SV2B: variants seen among roughly 807,000 people sequenced by gnomAD.
SV2B encodes the protein solute carrier family 22 member B2.
Under a neutral mutation model 73.9 loss-of-function variants are expected in SV2B, and 41 were observed. The observed-to-expected ratio is 0.56, with a 90% CI of 0.43 to 0.72. The LOEUF is 0.72. Ranked by LOEUF, SV2B falls within the 30% of genes least tolerant of loss-of-function variation. The pLI is 0.00. For missense variants in SV2B, 764 were observed against 857.8 expected, an observed-to-expected ratio of 0.89 and a Z score of 1.37; for synonymous variants, 314 against 314.2, an observed-to-expected ratio of 1.00 and a Z score of 0.01.
rs1022086753 is a variant in SV2B, at chr15:91,260,262, T to C, written c.919-58T>C. 23 of 1,487,340 alleles carry C rather than the reference T, an allele frequency of 1.5e-5. No homozygotes were observed. In the African/African-American group the frequency reaches 3.1e-4, roughly 20 times the overall value. The allele number at this position is 1,487,340 out of a possible 1,614,324, so 92.1% of individuals were successfully genotyped here. On this transcript the variant is annotated intron_variant, in intron 5 of 12. Coordinates refer to ENST00000394232, the MANE Select transcript of SV2B (RefSeq NM_001323032.3). The stretch of plus-strand genomic sequence containing the variant: ...AGTTTGTAGGATTTTCCACCCCTAA[T>C]GAACAGAAGGCATAGTCAGCAATGA...
chr15:91,221,222 A>G (rs1025319011), intron 1 of SV2B, among the ~76,000 whole-genome samples: 1 of 152,170 alleles, frequency 6.6e-6, no homozygotes, highest in African/African-American at 2.4e-5. Flanking sequence ...AATTGATCAC[A>G]TCTGTACCAG....
At chr15:91,287,627 T>TC (rs1454120223) in intron 11 of SV2B, among the ~76,000 whole-genome samples, 1 of 152,152 alleles carries the variant, frequency 6.6e-6, no homozygotes, top group Non-Finnish European at 1.5e-5. Flanking sequence ...TTCACTCCCA[T>TC]CCCCACCCCA....
At position 91,215,253 on chromosome 15, in the gene SV2B, A is replaced by G. The variant is rs372295892; in HGVS notation, c.-391-10620A>G. ...TCTTTGGCCTTGCACTTGAATCACA[A>G]TGAAACTGTTTCCTGGGGTAAGAAC... On this transcript the variant is annotated intron_variant, in intron 1 of 12. Coordinates refer to ENST00000394232, the MANE Select transcript of SV2B (RefSeq NM_001323032.3). 4.5e-4 allele frequency among the ~76,000 whole-genome samples: 68 copies of G among 152,320 alleles called. No homozygotes were observed. The South Asian group carries it at 0.012, about 27-fold the overall frequency.
At chr15:91,254,083 T>C (rs2047591053) in intron 4 of SV2B, among the ~76,000 whole-genome samples, 1 of 152,240 alleles carries the variant, frequency 6.6e-6, no homozygotes, top group African/African-American at 2.4e-5. Flanking sequence ...ATGCACACTT[T>C]AATTGCCCTT....
At chr15:91,173,919 A>AG in intron 1 of SV2B, among the ~76,000 whole-genome samples, 1 of 151,944 alleles carries the variant, frequency 6.6e-6, no homozygotes, top group Non-Finnish European at 1.5e-5. Context: ...TCTCTATCTG[A>AG]GGGTTTCCAT....
At chr15:91,201,188 C>T (rs1272662913) in intron 1 of SV2B, among the ~76,000 whole-genome samples, 18 of 152,184 alleles carry the variant, frequency 1.2e-4, no homozygotes, top group African/African-American at 4.3e-4. Flanking sequence ...AAGCAAGTGT[C>T]CAGTCCAGTG....
chr15:91,220,429 C>T lies in SV2B; in HGVS notation c.-391-5444C>T, dbSNP rs2046175739. ...AGTGAATAGAAGATGCAGTGTTTCCCAAACTTACTTGCTCTTGGAATTCTA... is the reference window on the plus strand; with the variant it reads ...AGTGAATAGAAGATGCAGTGTTTCCTAAACTTACTTGCTCTTGGAATTCTA... On this transcript the variant is annotated intron_variant, in intron 1 of 12. Transcript: ENST00000394232. The surrounding 1 kb of genome is among the most constrained non-coding windows in gnomAD (Gnocchi z 4.1). 6.6e-6 allele frequency among the ~76,000 whole-genome samples: 1 copy of T among 152,192 alleles called. No homozygotes were observed. Among genetic ancestry groups the T allele is most frequent in the Non-Finnish European group, 1.5e-5 (1 of 68,040 alleles).
intron 1 of SV2B, among the ~76,000 whole-genome samples, chr15:91,182,555 A>G (rs930149113): frequency 1.7e-4 from 26 of 152,338 alleles, no homozygotes; most frequent in East Asian, 3.9e-4. Flanking sequence ...CTTGAAGGCC[A>G]GTCAGCTGTG....
In SV2B at chr15:91,299,408, T is replaced by C. The variant is rs2049364452; in HGVS notation, c.*6856T>C. On this transcript the variant is annotated 3_prime_UTR_variant, in exon 13 of 13. Coordinates refer to ENST00000394232, the MANE Select transcript of SV2B (RefSeq NM_001323032.3). ...TTTTATGATCTATTTATTGATATTC[T>C]AATGGTTTTAAGAAGGATAATTTTC... 6.6e-6 allele frequency: 1 copy of C among 152,240 alleles called. No homozygotes were observed. The highest frequency in any genetic ancestry group is 2.1e-4 in the South Asian group (1 of 4,834). The allele number at this position is 152,240 out of a possible 1,614,324, so 9.4% of individuals were successfully genotyped here. A position where few individuals can be genotyped will look rare whatever the true frequency, so the allele number is the denominator to read the frequency against.
In SV2B at chr15:91,197,451, C is replaced by T. The variant is rs28473026; in HGVS notation, c.-391-28422C>T. 0.035 allele frequency among the ~76,000 whole-genome samples: 5,234 copies of T among 151,404 alleles called. 281 individuals are homozygous for T. The highest frequency in any genetic ancestry group is 0.12 in the African/African-American group (4,832 of 41,256). On this transcript the variant is annotated intron_variant, in intron 1 of 12. Coordinates refer to ENST00000394232, the MANE Select transcript of SV2B (RefSeq NM_001323032.3). The surrounding 1 kb of genome is among the most constrained non-coding windows in gnomAD (Gnocchi z 4.9). ...GTTGGTCAGGCTGGTCTCAAACTCC[C>T]GACTTCAGGTCATCCACCTGCCTCG...
chr15:91,103,656 G>C (rs2041800045), intron 1 of SV2B, among the ~76,000 whole-genome samples: 1 of 152,158 alleles, frequency 6.6e-6, no homozygotes, highest in African/African-American at 2.4e-5. Flanking sequence ...GCTGTCCTTG[G>C]TGCAGAAGGG....
At chr15:91,186,247 A>G (rs1339542631) in intron 1 of SV2B, among the ~76,000 whole-genome samples, 8 of 152,198 alleles carry the variant, frequency 5.3e-5, no homozygotes, top group Non-Finnish European at 1.0e-4. Context: ...CTGGAGAACT[A>G]TTTGGCAGCT....
At chr15:91,243,176 G>A (rs1273204555) in intron 2 of SV2B, among the ~76,000 whole-genome samples, 1 of 152,164 alleles carries the variant, frequency 6.6e-6, no homozygotes, top group African/African-American at 2.4e-5. Context: ...TAAGTGAAAT[G>A]GCAGAGGCAT....
At position 91,292,575 on chromosome 15, in the gene SV2B, G is replaced by C. The variant is rs762935863; in HGVS notation, c.*23G>C. 3 of 1,602,624 alleles carry C rather than the reference G, an allele frequency of 1.9e-6. No individual in the cohort carries two copies. The South Asian group carries it at 3.3e-5, about 18-fold the overall frequency. ...TGAACAACCTATGGGAAAAGGAAAG[G>C]TCGAGAGAATCTTGTCCAGGACACT... On this transcript the variant is annotated 3_prime_UTR_variant, in exon 13 of 13. Coordinates refer to ENST00000394232, the MANE Select transcript of SV2B (RefSeq NM_001323032.3).
Position 91,225,935 on chromosome 15 carries a change from C to A in SV2B, c.-329C>A. The A allele has an allele frequency of 2.9e-6, 1 of 344,814 alleles. No individual in the cohort carries two copies. Among genetic ancestry groups the A allele is most frequent in the African/African-American group, 2.2e-5 (1 of 45,628 alleles). The allele number at this position is 344,814 out of a possible 1,614,324, so 21.4% of individuals were successfully genotyped here. A position where few individuals can be genotyped will look rare whatever the true frequency, so the allele number is the denominator to read the frequency against. On this transcript the variant is annotated 5_prime_UTR_variant, in exon 2 of 13. Coordinates refer to ENST00000394232, the MANE Select transcript of SV2B (RefSeq NM_001323032.3). Reference sequence around the variant, plus strand: ...CGCAGTCTGCCAAGTCCTGCTCGCTCCCTGTCAAGAAAAACAGCTGGATCC... The same window carrying A: ...CGCAGTCTGCCAAGTCCTGCTCGCTACCTGTCAAGAAAAACAGCTGGATCC...
intron 1 of SV2B, among the ~76,000 whole-genome samples, chr15:91,146,262 G>A (rs369821098): frequency 1.1e-4 from 17 of 152,082 alleles, no homozygotes; most frequent in Non-Finnish European, 2.1e-4. Context: ...TTTTTATCAC[G>A]TTTGTTGAAG....
chr15:91,149,600 A>C (rs1335792559), intron 1 of SV2B, among the ~76,000 whole-genome samples: 1 of 152,222 alleles, frequency 6.6e-6, no homozygotes, highest in Admixed American at 6.5e-5. Flanking sequence ...CCACGCTCTT[A>C]GTCTCTCCAT....
Position 91,130,220 on chromosome 15 carries a change from C to T in SV2B, c.-392+29857C>T, listed in dbSNP as rs1451321857. Among the ~76,000 whole-genome samples the T allele has an allele frequency of 6.6e-6, 1 of 152,116 alleles. No homozygotes were observed. Among genetic ancestry groups the T allele is most frequent in the Admixed American group, 6.5e-5 (1 of 15,282 alleles). ...GCTGAGGAGAGTGAGAGGAGTGACA[C>T]AGCTGAGGTTCTTAGGTTAGGGCAA... On this transcript the variant is annotated intron_variant, in intron 1 of 12. Coordinates refer to ENST00000394232, the MANE Select transcript of SV2B (RefSeq NM_001323032.3). The surrounding 1 kb of genome is among the most constrained non-coding windows in gnomAD (Gnocchi z 5.6).
intron 1 of SV2B, among the ~76,000 whole-genome samples, chr15:91,144,385 C>G (rs770956939): frequency 1.3e-5 from 2 of 152,072 alleles, no homozygotes; most frequent in African/African-American, 4.8e-5. Flanking sequence ...TGCCCAATAT[C>G]TCTCCAGCTC....
Sources: gnomAD v4.1 joint callset for allele counts (sites outside exome capture counted in the v4.1 genomes callset) on GRCh38, gnomAD v4.1.1 for gene constraint, Gnocchi (gnomAD v3.1) non-coding constraint, MANE v1.5 for transcripts, NCBI Gene and HGNC (gene_info 2026-07-23, HGNC 2026-07-21) for gene names.